Variants in KCNJ1 observed in about 807,000 individuals in gnomAD.
The protein encoded by KCNJ1 is ATP-sensitive inward rectifier potassium channel 1.
Under a neutral mutation model 21.9 loss-of-function variants are expected in KCNJ1, and 24 were observed. That is an observed-to-expected ratio of 1.10 (90% CI 0.79 to 1.54). The LOEUF (loss-of-function observed/expected upper bound fraction) is 1.54, where lower values mean the gene tolerates loss of function less well. Among genes scored for constraint, KCNJ1 ranks in the 40% most tolerant of loss-of-function variants. The probability of loss-of-function intolerance (pLI) is 0.00; values close to 1 mark genes in which losing one functional copy is unlikely to be tolerated. For synonymous variants in KCNJ1, 152 were observed against 160.9 expected (o/e 0.94, Z 0.42); for missense variants, 457 against 455.4 (o/e 1.00, Z -0.03).
chr11:128,843,107 G>A (rs1266843794), intron 2 of KCNJ1, among the ~76,000 whole-genome samples: 1 of 152,192 alleles, frequency 6.6e-6, no homozygotes. Flanking sequence ...TGATTTATTT[G>A]TTCAGAGTGA....
intron 2 of KCNJ1, among the ~76,000 whole-genome samples, chr11:128,849,923 G>T (rs1943452160): frequency 6.6e-6 from 1 of 152,166 alleles, no homozygotes; most frequent in African/African-American, 2.4e-5. Flanking sequence ...CCACCTGGTG[G>T]ATAAGGCAAA....
chr11:128,852,149 G>A (rs1289406068), intron 1 of KCNJ1, among the ~76,000 whole-genome samples: 3 of 152,204 alleles, frequency 2.0e-5, no homozygotes, highest in Non-Finnish European at 2.9e-5. Flanking sequence ...CTTACAGATG[G>A]ATGGAAAGAG....
At chr11:128,854,973 T>C (rs1224351991) in intron 1 of KCNJ1, among the ~76,000 whole-genome samples, 1 of 152,202 alleles carries the variant, frequency 6.6e-6, no homozygotes, top group East Asian at 1.9e-4. Context: ...TCTCTGGCCT[T>C]GAAACACGTA....
chr11:128,864,422 A>C (rs1444273818), intron 1 of KCNJ1, among the ~76,000 whole-genome samples: 4 of 151,892 alleles, frequency 2.6e-5, no homozygotes, highest in African/African-American at 9.7e-5. Context: ...ATGTCTCTAC[A>C]CTAATTTTTT....
At chr11:128,864,187 A>G (rs1943772861) in intron 1 of KCNJ1, among the ~76,000 whole-genome samples, 1 of 147,808 alleles carries the variant, frequency 6.8e-6, no homozygotes, top group Non-Finnish European at 1.5e-5. Context: ...CCCGGGTTCA[A>G]GCAATTCTCA....
At chr11:128,856,667 C>T (rs1943596649) in intron 1 of KCNJ1, among the ~76,000 whole-genome samples, 1 of 152,214 alleles carries the variant, frequency 6.6e-6, no homozygotes, top group Admixed American at 6.5e-5. Context: ...ATCCTCAGCC[C>T]TGTCAATGGC....
chr11:128,839,017 G>C lies in KCNJ1; in HGVS notation c.*108C>G. ...AGGGGTCTTTGTGCTGGTAGACTTT[G>C]AAGGCTCTCATCCTACTTTCGTACC... On this transcript the variant is annotated 3_prime_UTR_variant, in exon 3 of 3. Transcript: ENST00000392666. 2.1e-6 allele frequency: 2 copies of C among 962,868 alleles called. No individual in the cohort carries two copies. The highest frequency in any genetic ancestry group is 3.2e-6 in the Non-Finnish European group (2 of 621,632). 59.6% of individuals were successfully genotyped at this position (962,868 alleles called of 1,614,324 possible). A position where few individuals can be genotyped will look rare whatever the true frequency, so the allele number is the denominator to read the frequency against.
intron 1 of KCNJ1, among the ~76,000 whole-genome samples, chr11:128,860,958 G>C (rs1302007523): frequency 6.6e-6 from 1 of 152,220 alleles, no homozygotes; most frequent in Non-Finnish European, 1.5e-5. Flanking sequence ...GCACCATGTA[G>C]AGGATTATTT....
rs759992526 is a variant in KCNJ1 at position 128,839,738 on chromosome 11, C to T, written c.506G>A (p.Arg169His). The T allele has an allele frequency of 3.5e-5, 56 of 1,613,620 alleles. No homozygotes were observed. In the Admixed American group the frequency reaches 7.0e-4, roughly 20 times the overall value. ...CTTGCTGAACGTAATGGTCTTGGCA[C>T]GTTTTTTGGGCCTGGAGATCTTGGC... Reference protein sequence around the residue: ...ILAKISRPKKRAKTITFSKNA... With the variant: ...ILAKISRPKKHAKTITFSKNA... The change falls in exon 3 of 3, where the codon CGT becomes CAT. Residue 169 changes from arginine (R) to histidine (H), a missense_variant. Transcript: ENST00000392666.
At chr11:128,845,750 C>T (rs376059288) in intron 2 of KCNJ1, among the ~76,000 whole-genome samples, 32 of 152,306 alleles carry the variant, frequency 2.1e-4, no homozygotes, top group Middle Eastern at 3.4e-3. Context: ...AAGAGGGCAT[C>T]TGAGCTTCAG....
In KCNJ1 at chr11:128,839,161, C is replaced by T. The variant is rs773891455; in HGVS notation, c.1083G>A (p.Leu361=). ...KRGYDNPNFI[L]SEVNETDDTK... is the part of the protein sequence containing the mutation. ...TGTCATCTGTTTCATTGACTTCTGACAAGATGAAGTTGGGGTTGTCATAGC... is the reference window on the plus strand; with the variant it reads ...TGTCATCTGTTTCATTGACTTCTGATAAGATGAAGTTGGGGTTGTCATAGC... Residue 361 remains leucine (L), a synonymous_variant, in exon 3 of 3, where the codon TTG becomes TTA. Transcript: ENST00000392666. 1.2e-6 allele frequency: 2 copies of T among 1,614,122 alleles called. No individual in the cohort carries two copies. Among genetic ancestry groups the T allele is most frequent in the Non-Finnish European group, 1.7e-6 (2 of 1,180,016 alleles).
At chr11:128,857,943 C>A (rs1943618141) in intron 1 of KCNJ1, among the ~76,000 whole-genome samples, 1 of 152,148 alleles carries the variant, frequency 6.6e-6, no homozygotes, top group Admixed American at 6.5e-5. Context: ...TTTTTAAAAA[C>A]TACCTAATTT....
chr11:128,853,104 G>A (rs185482546), intron 1 of KCNJ1, among the ~76,000 whole-genome samples: 15 of 152,344 alleles, frequency 9.8e-5, no homozygotes, highest in Admixed American at 3.9e-4. Context: ...TCTCAAAGAC[G>A]TTCCTTAACC....
chr11:128,866,248 C>A (rs780845345), intron 1 of KCNJ1, among the ~76,000 whole-genome samples: 1 of 152,140 alleles, frequency 6.6e-6, no homozygotes, highest in Non-Finnish European at 1.5e-5. Flanking sequence ...CCCAGGGCTA[C>A]GGAATGGCCC....
At chr11:128,848,213 G>A (rs569933879) in intron 2 of KCNJ1, among the ~76,000 whole-genome samples, 172 of 151,390 alleles carry the variant, frequency 1.1e-3, no homozygotes, top group African/African-American at 2.4e-3. Context: ...GTGTGAACCC[G>A]GGAGGCGGAG....
At chr11:128,847,319 C>G (rs1393193630) in intron 2 of KCNJ1, among the ~76,000 whole-genome samples, 4 of 152,194 alleles carry the variant, frequency 2.6e-5, no homozygotes, top group African/African-American at 4.8e-5. Flanking sequence ...CTGGTGCTTT[C>G]TGACTGGAGG....
intron 2 of KCNJ1, among the ~76,000 whole-genome samples, chr11:128,850,158 C>A (rs953249819): frequency 6.6e-6 from 1 of 152,116 alleles, no homozygotes; most frequent in African/African-American, 2.4e-5. Context: ...GCTGGAAACC[C>A]TTGGAGCTCT....
chr11:128,844,837 T>A (rs1261845302), intron 2 of KCNJ1, among the ~76,000 whole-genome samples: 1 of 150,318 alleles, frequency 6.7e-6, no homozygotes, highest in African/African-American at 2.5e-5. Flanking sequence ...TGTTCCTCTA[T>A]AGAAATGGAA....
intron 2 of KCNJ1, among the ~76,000 whole-genome samples, chr11:128,849,347 G>A (rs749695438): frequency 2.0e-5 from 3 of 152,222 alleles, no homozygotes; most frequent in African/African-American, 4.8e-5. Flanking sequence ...CTTACTCTGC[G>A]CCAGGAATGG....
Sources: allele counts gnomAD v4.1 joint callset (sites outside exome capture counted in the v4.1 genomes callset), GRCh38; gene constraint gnomAD v4.1.1; transcripts MANE v1.5; gene names NCBI Gene and HGNC (gene_info 2026-07-23, HGNC 2026-07-21).